DPP10: variants seen among roughly 807,000 people sequenced by gnomAD.
DPP10 encodes inactive dipeptidyl peptidase 10.
DPP10 carries 33 observed loss-of-function variants against 120.9 expected under a neutral mutation model. That is an observed-to-expected ratio of 0.27 (90% confidence interval 0.21 to 0.37). The LOEUF is 0.37. DPP10 is among the 10% of genes least tolerant of loss of function. The pLI is 1.00. For synonymous variants in DPP10, 337 were observed against 326.1 expected (o/e 1.03, Z -0.36); for missense variants, 816 against 942.8 (o/e 0.87, Z 1.76).
At chr2:115,718,082 A>G (rs1482501103) in intron 7 of DPP10, among the ~76,000 whole-genome samples, 1 of 152,124 alleles carries the variant, frequency 6.6e-6, no homozygotes, top group Non-Finnish European at 1.5e-5. Flanking sequence ...TTAAATGCAT[A>G]TACTTATTTT....
intron 5 of DPP10, among the ~76,000 whole-genome samples, chr2:115,537,815 C>G (rs1274693980): frequency 6.6e-6 from 1 of 151,886 alleles, no homozygotes; most frequent in Non-Finnish European, 1.5e-5. Flanking sequence ...GTGATTGATG[C>G]CAGATGTGGG....
intron 7 of DPP10, among the ~76,000 whole-genome samples, chr2:115,692,866 G>A (rs1045052825): frequency 6.6e-6 from 1 of 151,958 alleles, no homozygotes; most frequent in Non-Finnish European, 1.5e-5. Context: ...TAGTGAAATA[G>A]GGTAATTATA....
chr2:115,296,284 T>A (rs991794216), intron 1 of DPP10, among the ~76,000 whole-genome samples: 1 of 152,056 alleles, frequency 6.6e-6, no homozygotes, highest in Non-Finnish European at 1.5e-5. Context: ...AGGTCGGTGG[T>A]GTTACCAGGC....
intron 1 of DPP10, among the ~76,000 whole-genome samples, chr2:114,581,178 T>C (rs1690487023): frequency 2.6e-5 from 1 of 38,424 alleles, no homozygotes; most frequent in African/African-American, 5.6e-5. Context: ...CTTCTCTTTT[T>C]TTTTTTTTTT....
intron 21 of DPP10, among the ~76,000 whole-genome samples, chr2:115,834,621 G>A (rs1689259995): frequency 6.6e-6 from 1 of 151,730 alleles, no homozygotes; most frequent in Admixed American, 6.6e-5. Context: ...ATTTCAAGAG[G>A]GTATTCAAAA....
chr2:115,839,815 C>T (rs1466530689), intron 24 of DPP10, among the ~76,000 whole-genome samples: 1 of 152,142 alleles, frequency 6.6e-6, no homozygotes, highest in African/African-American at 2.4e-5. Flanking sequence ...ATCTTCATAG[C>T]TACCAAACCC....
intron 1 of DPP10, among the ~76,000 whole-genome samples, chr2:114,856,181 A>T (rs988258774): frequency 4.6e-5 from 7 of 152,214 alleles, no homozygotes; most frequent in African/African-American, 1.7e-4. Flanking sequence ...TATCAGTGTG[A>T]TAAAAATTAA....
intron 1 of DPP10, among the ~76,000 whole-genome samples, chr2:115,233,641 G>A (rs2057850853): frequency 6.6e-6 from 1 of 152,102 alleles, no homozygotes; most frequent in Admixed American, 6.6e-5. Flanking sequence ...GGGACTCTGG[G>A]TCTCCCCTAG....
intron 3 of DPP10, among the ~76,000 whole-genome samples, chr2:115,451,468 A>C (rs843448): frequency 0.83 from 125,613 of 151,802 alleles, 55,019 homozygotes; most frequent in Non-Finnish European, 0.97. Context: ...CATCTTGCCA[A>C]TTGTCTCTAG....
intron 1 of DPP10, among the ~76,000 whole-genome samples, chr2:114,458,690 T>C (rs1678710629): frequency 6.6e-6 from 1 of 152,220 alleles, no homozygotes; most frequent in Non-Finnish European, 1.5e-5. Flanking sequence ...TAATGTTCTC[T>C]ATGTTACAGT....
chr2:115,330,942 G>T (rs2062688473), intron 2 of DPP10, among the ~76,000 whole-genome samples: 1 of 152,154 alleles, frequency 6.6e-6, no homozygotes, highest in Admixed American at 6.6e-5. Context: ...CTTTAAGGTA[G>T]TTTTTTCCAA....
chr2:115,630,785 T>C (rs1012489908), intron 5 of DPP10, among the ~76,000 whole-genome samples: 5 of 152,190 alleles, frequency 3.3e-5, no homozygotes, highest in Admixed American at 6.5e-5. Context: ...CTTTTTGATA[T>C]GTTGCTGGAT....
intron 1 of DPP10, among the ~76,000 whole-genome samples, chr2:114,938,499 T>C (rs1460600553): frequency 6.6e-6 from 1 of 152,126 alleles, no homozygotes; most frequent in East Asian, 1.9e-4. Flanking sequence ...GATCAAATAA[T>C]TTTTATTTTC....
At chr2:114,593,538 TTC>T (rs1173972858) in intron 1 of DPP10, among the ~76,000 whole-genome samples, 2 of 152,214 alleles carry the variant, frequency 1.3e-5, no homozygotes, top group Non-Finnish European at 2.9e-5. Context: ...CCAAATTTCA[TTC>T]TGTCTCTACT....
chr2:114,670,670 T>TA (rs913616386), intron 1 of DPP10, among the ~76,000 whole-genome samples: 6 of 152,150 alleles, frequency 3.9e-5, no homozygotes, highest in African/African-American at 1.4e-4. Flanking sequence ...CCCTAAAACT[T>TA]AAAGTATAAT....
chr2:114,952,731 A>G (rs750141366), intron 1 of DPP10, among the ~76,000 whole-genome samples: 1 of 152,200 alleles, frequency 6.6e-6, no homozygotes, highest in Non-Finnish European at 1.5e-5. Flanking sequence ...AAAAATACAC[A>G]CAAGATATAC....
At chr2:114,487,156 T>G (rs974866728) in intron 1 of DPP10, among the ~76,000 whole-genome samples, 3 of 152,218 alleles carry the variant, frequency 2.0e-5, no homozygotes, top group Non-Finnish European at 2.9e-5. Context: ...TAGAAAATTT[T>G]TGTTCCATAT....
intron 1 of DPP10, among the ~76,000 whole-genome samples, chr2:114,896,673 A>G (rs985585550): frequency 6.6e-6 from 1 of 152,212 alleles, no homozygotes; most frequent in Non-Finnish European, 1.5e-5. Flanking sequence ...CAATCATGTC[A>G]TCTGCAAACA....
At chr2:115,312,935 G>A (rs747625176) in intron 2 of DPP10, among the ~76,000 whole-genome samples, 1 of 152,072 alleles carries the variant, frequency 6.6e-6, no homozygotes, top group Non-Finnish European at 1.5e-5. Flanking sequence ...AATAAGAGTG[G>A]CAGTCAGGCC....
Sources: gnomAD v4.1 joint callset for allele counts (sites outside exome capture counted in the v4.1 genomes callset) on GRCh38, gnomAD v4.1.1 for gene constraint, MANE v1.5 for transcripts, NCBI Gene and HGNC (gene_info 2026-07-23, HGNC 2026-07-21) for gene names.